Variants in RBFOX3 observed in about 807,000 individuals in gnomAD.
The protein encoded by RBFOX3 is RNA binding protein fox-1 homolog 3.
In RBFOX3, 17 loss-of-function variants were observed where a neutral mutation model predicts 48.7. The observed-to-expected ratio is 0.35, with a 90% CI of 0.24 to 0.52. The LOEUF (loss-of-function observed/expected upper bound fraction) is 0.52. Among genes scored for constraint, RBFOX3 ranks in the 20% least tolerant of loss-of-function variants. The pLI is 0.94. For missense variants in RBFOX3, 382 were observed against 497.5 expected (o/e 0.77, Z 2.21); for synonymous variants, 212 against 209.5 (o/e 1.01, Z -0.10).
Position 79,199,243 on chromosome 17 carries a change from AG to A in RBFOX3, c.-34+36522del, listed in dbSNP as rs1567828212. Among the ~76,000 whole-genome samples, 1 of 152,118 alleles carries A rather than the reference AG, an allele frequency of 6.6e-6. No homozygotes were observed. The highest frequency in any genetic ancestry group is 1.5e-5 in the Non-Finnish European group (1 of 68,006). On this transcript the variant is annotated intron_variant, in intron 4 of 14. Coordinates refer to ENST00000693108, the MANE Select transcript of RBFOX3 (RefSeq NM_001350451.2). The surrounding 1 kb of genome is among the most constrained non-coding windows in gnomAD (Gnocchi z 5.1). Reference sequence around the variant, plus strand: ...AAGGGCCTTTCGAAAAGACCTCCCTAGCCCCCCACCCTCGGCAGCACCACCC... The same window carrying A: ...AAGGGCCTTTCGAAAAGACCTCCCTACCCCCCACCCTCGGCAGCACCACCC...
At chr17:79,115,333 G>A (rs2033592882) in intron 5 of RBFOX3, among the ~76,000 whole-genome samples, 161 bp downstream of exon 5, 1 of 152,126 alleles carries the variant, frequency 6.6e-6, no homozygotes, top group Non-Finnish European at 1.5e-5. Flanking sequence ...GTGACTTCTG[G>A]CCCAGGAGCC....
intron 4 of RBFOX3, among the ~76,000 whole-genome samples, chr17:79,161,649 G>T (rs1258180547): frequency 1.3e-5 from 2 of 152,160 alleles, no homozygotes; most frequent in Non-Finnish European, 2.9e-5. Context: ...AGGCTGGAGT[G>T]CAGTGGCGCG....
chr17:79,117,497 G>T (rs1229582580), intron 4 of RBFOX3, among the ~76,000 whole-genome samples: 1 of 152,226 alleles, frequency 6.6e-6, no homozygotes, highest in Non-Finnish European at 1.5e-5. Flanking sequence ...GAGGCTGGGG[G>T]CTGCCCCCGC....
At chr17:79,641,441 T>C in the RBFOX3 span, among the ~76,000 whole-genome samples, 1 of 152,184 alleles carries the variant, frequency 6.6e-6, no homozygotes, top group Non-Finnish European at 1.5e-5. Context: ...GCAAGACTAC[T>C]TCTAGGTATA....
intron 1 of RBFOX3, among the ~76,000 whole-genome samples, chr17:79,579,790 T>TCACTGGCGCCATGGTGGGGAGC (rs2092990290): frequency 3.2e-5 from 4 of 126,352 alleles, no homozygotes; most frequent in Non-Finnish European, 4.9e-5. Flanking sequence ...GGTGGGGGTG[T>TCACTGGCGCCATGGTGGGGAGC]CACTGGCGCC....
chr17:79,358,073 A>G (rs1267614456), intron 2 of RBFOX3, among the ~76,000 whole-genome samples: 2 of 152,010 alleles, frequency 1.3e-5, no homozygotes, highest in African/African-American at 4.8e-5. Flanking sequence ...CAGCCTCCCA[A>G]GTGGCTGGGA....
chr17:79,620,484 CG>C, the RBFOX3 span, among the ~76,000 whole-genome samples: 2 of 147,260 alleles, frequency 1.4e-5, no homozygotes, highest in African/African-American at 5.3e-5. Context: ...CACACACGCA[CG>C]TGCACACACG....
In RBFOX3 at chr17:79,471,561, G is replaced by A. The variant is rs200375549; in HGVS notation, c.-175+10893C>T. On this transcript the variant is annotated intron_variant, in intron 2 of 14. Coordinates refer to ENST00000693108, the MANE Select transcript of RBFOX3 (RefSeq NM_001350451.2). This position sits in a 1 kb window ranked among gnomAD's most constrained non-coding sequence, Gnocchi z 4.0. ...GTTACCCAGTACTGTGGGTACAGGC[G>A]TGAGCTTTCTCAGCTACAAAGAGCA... Among the ~76,000 whole-genome samples the A allele has an allele frequency of 0.13, 19,823 of 152,200 alleles. 1,615 individuals are homozygous for A. Among genetic ancestry groups the A allele is most frequent in the Middle Eastern group, 0.22 (64 of 292 alleles).
the RBFOX3 span, among the ~76,000 whole-genome samples, chr17:79,632,128 C>T: frequency 6.6e-6 from 1 of 152,250 alleles, no homozygotes; most frequent in African/African-American, 2.4e-5. Context: ...CAAGAGACAA[C>T]TCTATTGGGA....
intron 2 of RBFOX3, among the ~76,000 whole-genome samples, chr17:79,458,609 G>C (rs976182315): frequency 1.3e-4 from 19 of 151,892 alleles, no homozygotes; most frequent in African/African-American, 4.6e-4. Flanking sequence ...AAAAAAAAAA[G>C]GTTGAAAACT....
chr17:79,367,025 G>A (rs903713521), intron 2 of RBFOX3, among the ~76,000 whole-genome samples: 8 of 152,146 alleles, frequency 5.3e-5, no homozygotes, highest in African/African-American at 1.7e-4. Context: ...CCAGAGCTAC[G>A]CAGAGGTCTG....
chr17:79,137,636 T>C (rs2040544921), intron 4 of RBFOX3, among the ~76,000 whole-genome samples: 1 of 151,644 alleles, frequency 6.6e-6, no homozygotes, highest in African/African-American at 2.4e-5. Context: ...TGCTGGCGCC[T>C]GGCCTGGCCC....
the RBFOX3 span, among the ~76,000 whole-genome samples, chr17:79,663,874 T>C: frequency 7.2e-5 from 11 of 152,274 alleles, 1 homozygote; most frequent in Admixed American, 1.3e-4. Flanking sequence ...CGTAGAACAA[T>C]ACAAAATTCC....
chr17:79,230,531 T>A (rs1296085277), intron 4 of RBFOX3, among the ~76,000 whole-genome samples: 1 of 152,016 alleles, frequency 6.6e-6, no homozygotes, highest in African/African-American at 2.4e-5. Flanking sequence ...AGTGCTGGGA[T>A]TACAGGGGTG....
intron 4 of RBFOX3, among the ~76,000 whole-genome samples, chr17:79,178,345 A>G (rs747344868): frequency 6.6e-6 from 1 of 152,216 alleles, no homozygotes; most frequent in Non-Finnish European, 1.5e-5. Flanking sequence ...GCCAAGAAAG[A>G]GCTTAAGCCT....
intron 2 of RBFOX3, among the ~76,000 whole-genome samples, chr17:79,360,517 T>C (rs1423363305): frequency 6.6e-6 from 1 of 152,204 alleles, no homozygotes; most frequent in Non-Finnish European, 1.5e-5. Flanking sequence ...TGACACTCCA[T>C]CCTCATTGAA....
chr17:79,094,225 G>A (rs2146203167), intron 14 of RBFOX3: 3 of 458,986 alleles, frequency 6.5e-6, no homozygotes, highest in Non-Finnish European at 1.1e-5. Context: ...CAGAGGACCA[G>A]ATGGTACGGT....
the RBFOX3 span, among the ~76,000 whole-genome samples, chr17:79,617,521 C>T: frequency 1.3e-5 from 2 of 152,230 alleles, no homozygotes; most frequent in Non-Finnish European, 2.9e-5. Flanking sequence ...TCCTTTACTG[C>T]AGGTGGCCCC....
At chr17:79,600,548 C>T (rs1348265918) in intron 1 of RBFOX3, 1 of 152,180 alleles carries the variant, frequency 6.6e-6, no homozygotes, top group Non-Finnish European at 1.5e-5. Context: ...CAGAATTTTC[C>T]CTTAATTCCC....
Sources: allele counts gnomAD v4.1 joint callset (sites outside exome capture counted in the v4.1 genomes callset), GRCh38; gene constraint gnomAD v4.1.1; non-coding constraint Gnocchi (gnomAD v3.1); transcripts MANE v1.5; gene names NCBI Gene and HGNC (gene_info 2026-07-23, HGNC 2026-07-21).